The following IRF4 variants were observed in gnomAD, a reference collection of about 807,000 sequenced individuals.
IRF4 encodes the protein interferon regulatory factor 4.
A neutral mutation model predicts 55.5 loss-of-function variants in IRF4; 13 were observed. The ratio of observed to expected loss-of-function variants is 0.23; its 90% CI spans 0.15 to 0.37. IRF4 has a LOEUF of 0.37. Among genes scored for constraint, IRF4 ranks in the 10% least tolerant of loss-of-function variants. IRF4 has a pLI of 1.00. For missense variants in IRF4, 397 were observed against 593.8 expected (o/e 0.67, Z 3.44); for synonymous variants, 249 against 240.7 (o/e 1.03, Z -0.32).
At position 410,548 on chromosome 6, in the gene IRF4, T is replaced by A. The variant is rs1761672456; in HGVS notation, c.*2950T>A. 4.4e-6 allele frequency: 1 copy of A among 229,830 alleles called. No individual in the cohort carries two copies. Among genetic ancestry groups the A allele is most frequent in the Non-Finnish European group, 8.6e-6 (1 of 115,914 alleles). 14.2% of individuals were successfully genotyped at this position (229,830 alleles called of 1,614,324 possible). A position where few individuals can be genotyped will look rare whatever the true frequency, so the allele number is the denominator to read the frequency against. On this transcript the variant is annotated 3_prime_UTR_variant, in exon 9 of 9. Transcript: ENST00000380956. ...CCAAGGGCAGGTAGGTATTAGTGTT[T>A]GAAAAAGCTGGTCTTTGAGCGAGGG...
rs945235716 is a variant in IRF4, at chr6:393,218, G to C, written c.66G>C (p.Gly22=). Reference sequence around the variant, plus strand: ...TGAGCGCGGTGAGCTGCGGCAACGGGAAGCTCCGCCAGTGGCTGATCGACC... The same window carrying C: ...TGAGCGCGGTGAGCTGCGGCAACGGCAAGCTCCGCCAGTGGCTGATCGACC... ...FGMSAVSCGN[G]KLRQWLIDQI... is the part of the protein sequence containing the mutation. The change falls in exon 2 of 9, where the codon GGG becomes GGC. Residue 22 remains glycine (G), a synonymous_variant. Coordinates refer to ENST00000380956, the MANE Select transcript of IRF4 (RefSeq NM_002460.4). The surrounding 1 kb of genome is among the most constrained non-coding windows in gnomAD (Gnocchi z 5.4). The C allele has an allele frequency of 6.4e-7, 1 of 1,564,608 alleles. No individual in the cohort carries two copies. Among genetic ancestry groups the C allele is most frequent in the Non-Finnish European group, 8.7e-7 (1 of 1,154,412 alleles).
intron 6 of IRF4, among the ~76,000 whole-genome samples, chr6:399,548 T>C (rs1050439822): frequency 6.6e-6 from 1 of 151,462 alleles, no homozygotes; most frequent in African/African-American, 2.4e-5. Flanking sequence ...TTACCTACTA[T>C]AAAGAAGGCA....
chr6:392,340 G>C lies in IRF4; in HGVS notation c.-56+531G>C, dbSNP rs117758049. Among the ~76,000 whole-genome samples the C allele has an allele frequency of 7.4e-3, 1,122 of 152,322 alleles. 28 individuals are homozygous for C. In the East Asian group the frequency reaches 0.091, roughly 12 times the overall value. On this transcript the variant is annotated intron_variant, in intron 1 of 8. Coordinates refer to ENST00000380956, the MANE Select transcript of IRF4 (RefSeq NM_002460.4). ...GAGCCTTGCGTGCGGTGGCCTAGCC[G>C]GCCTGGCGCGGTCCCTGCCTCCCAG...
At chr6:401,376 G>T (rs759801296) in intron 6 of IRF4, 48 bp from the exon 7 acceptor site, 2 of 1,439,746 alleles carry the variant, frequency 1.4e-6, no homozygotes, top group Non-Finnish European at 1.9e-6. Context: ...TGGCCTCGAG[G>T]TGGTGTCCTT....
At chr6:402,790 A>C (rs1006924669) in intron 7 of IRF4, among the ~76,000 whole-genome samples, 1 of 152,278 alleles carries the variant, frequency 6.6e-6, no homozygotes, top group South Asian at 2.1e-4. Context: ...CCAGCACTTT[A>C]GGAGGCTGAG....
intron 7 of IRF4, among the ~76,000 whole-genome samples, chr6:403,257 T>C (rs1298796425): frequency 6.6e-6 from 1 of 152,152 alleles, no homozygotes; most frequent in African/African-American, 2.4e-5. Flanking sequence ...GAAGGGCAAC[T>C]GGGGGGACCC....
In IRF4 at chr6:410,732, C is replaced by T. The variant is rs532514140; in HGVS notation, c.*3134C>T. 4 of 231,712 alleles carry T rather than the reference C, an allele frequency of 1.7e-5. No homozygotes were observed. The highest frequency in any genetic ancestry group is 3.4e-5 in the Non-Finnish European group (4 of 116,982). 14.4% of individuals were successfully genotyped at this position (231,712 alleles called of 1,614,324 possible). ...ATCCAGTGTAAACTTCCGTTCATTG[C>T]TCTCCAGTCACATGCCCCCACTTCC... On this transcript the variant is annotated 3_prime_UTR_variant, in exon 9 of 9. Coordinates refer to ENST00000380956, the MANE Select transcript of IRF4 (RefSeq NM_002460.4).
chr6:410,817 GT>G lies in IRF4; in HGVS notation c.*3220del, dbSNP rs1203214805. ...TGGTTAAGGTCTTTATTTGTATTAC[GT>G]ATCTCCCCAAGTCCTCTGTGGCCAG... On this transcript the variant is annotated 3_prime_UTR_variant, in exon 9 of 9. Transcript: ENST00000380956. The G allele has an allele frequency of 1.7e-5, 4 of 231,964 alleles. No homozygotes were observed. Among genetic ancestry groups the G allele is most frequent in the Non-Finnish European group, 2.6e-5 (3 of 117,242 alleles). 14.4% of individuals were successfully genotyped at this position (231,964 alleles called of 1,614,324 possible).
chr6:397,155 C>G lies in IRF4; in HGVS notation c.540C>G (p.Asp180Glu), dbSNP rs1260048530. Reference sequence around the variant, plus strand: ...CACCCCTCGACCGAAGCTGGAGGGACTACGTCCCGGATCAGCCACACCCGG... The same window carrying G: ...CACCCCTCGACCGAAGCTGGAGGGAGTACGTCCCGGATCAGCCACACCCGG... ...MMPPLDRSWRDYVPDQPHPEI... is the reference protein window; with the variant it reads ...MMPPLDRSWREYVPDQPHPEI... The change falls in exon 5 of 9, where the codon GAC (aspartate) becomes GAG (glutamate). Residue 180 changes from aspartate (D) to glutamate (E), a missense_variant. Asp to Glu is a conservative substitution (Grantham distance 45). Transcript: ENST00000380956. The G allele has an allele frequency of 6.2e-7, 1 of 1,614,278 alleles. No homozygotes were observed. The highest frequency in any genetic ancestry group is 1.7e-5 in the Admixed American group (1 of 60,034).
At position 409,367 on chromosome 6, in the gene IRF4, C is replaced by G. The variant is rs932047321; in HGVS notation, c.*1769C>G. ...ATCTCCTTTTTTCCCAGCCCAAATTCTCCTCTCTAAAAGTGTCCACAAGAA... is the reference window on the plus strand; with the variant it reads ...ATCTCCTTTTTTCCCAGCCCAAATTGTCCTCTCTAAAAGTGTCCACAAGAA... On this transcript the variant is annotated 3_prime_UTR_variant, in exon 9 of 9. Transcript: ENST00000380956. The G allele has an allele frequency of 3.0e-5, 6 of 199,518 alleles. No individual in the cohort carries two copies. The highest frequency in any genetic ancestry group is 1.4e-4 in the African/African-American group (6 of 43,458). 12.4% of individuals were successfully genotyped at this position (199,518 alleles called of 1,614,324 possible).
rs1761178657 is a variant in IRF4, at chr6:393,581, G to A, written c.216+213G>A. Among the ~76,000 whole-genome samples the A allele has an allele frequency of 6.6e-6, 1 of 152,142 alleles. No individual in the cohort carries two copies. Among genetic ancestry groups the A allele is most frequent in the East Asian group, 1.9e-4 (1 of 5,170 alleles). Reference sequence around the variant, plus strand: ...CGCGGGGGCCGGGAGCCGGGTCCTGGGCGCGTGGAGGCTGCAGGGAAACCG... The same window carrying A: ...CGCGGGGGCCGGGAGCCGGGTCCTGAGCGCGTGGAGGCTGCAGGGAAACCG... On this transcript the variant is annotated intron_variant, in intron 2 of 8. Transcript: ENST00000380956. The surrounding 1 kb of genome is among the most constrained non-coding windows in gnomAD (Gnocchi z 5.4).
chr6:400,282 G>A (rs1219025400), intron 6 of IRF4, among the ~76,000 whole-genome samples: 2 of 152,172 alleles, frequency 1.3e-5, no homozygotes, highest in East Asian at 1.9e-4. Context: ...TGATTTTGGG[G>A]TTCCATACAG....
At position 398,845 on chromosome 6, in the gene IRF4, A is replaced by G; in HGVS notation, c.655A>G (p.Thr219Ala). The G allele has an allele frequency of 6.2e-7, 1 of 1,613,404 alleles. No individual in the cohort carries two copies. The highest frequency in any genetic ancestry group is 8.5e-7 in the Non-Finnish European group (1 of 1,179,552). The stretch of plus-strand genomic sequence containing the variant: ...AAATGCAGGTTGCCAGGTGACAGGA[A>G]CCTTTTATGCTTGTGCCCCACCTGA... Reference protein sequence around the residue: ...ACENGCQVTGTFYACAPPESQ... With the variant: ...ACENGCQVTGAFYACAPPESQ... The change falls in exon 6 of 9, where the codon ACC becomes GCC. Residue 219 changes from threonine to alanine, a missense_variant. Around this residue, in one of 3 missense-constraint regions of IRF4, gnomAD observed 341 missense variants for 548.1 expected, o/e 0.62. Coordinates refer to ENST00000380956, the MANE Select transcript of IRF4 (RefSeq NM_002460.4).
rs772851591 is a variant in IRF4, at chr6:398,914, G to A, written c.724G>A (p.Ala242Thr). The part of the protein sequence containing the change: ...GVPTEPSIRS[A>T]EALAFSDCRL... ...CCCCACAGAGCCAAGCATAAGGTCT[G>A]CCGAAGCCTTGGCGTTCTCAGGTGA... Residue 242 changes from alanine to threonine, a missense_variant, in exon 6 of 9, where the codon GCC becomes ACC. Physicochemically the swap from Ala to Thr is moderately conservative, Grantham distance 58 (BLOSUM62 0). Coordinates refer to ENST00000380956, the MANE Select transcript of IRF4 (RefSeq NM_002460.4). The A allele has an allele frequency of 9.3e-6, 15 of 1,612,242 alleles. No individual in the cohort carries two copies. The South Asian group carries it at 1.1e-4, about 12-fold the overall frequency.
intron 8 of IRF4, 136 bp downstream of exon 8, chr6:405,266 G>T (rs1761515372): frequency 3.2e-6 from 2 of 620,576 alleles, no homozygotes; most frequent in Non-Finnish European, 5.7e-6. Context: ...AAACTAGTGA[G>T]GGAGGAAGCA....
intron 2 of IRF4, among the ~76,000 whole-genome samples, chr6:394,301 A>G (rs1251409244): frequency 6.6e-6 from 1 of 152,150 alleles, no homozygotes; most frequent in East Asian, 1.9e-4. Context: ...CCGGTTATAA[A>G]TACCCAGAAA....
In IRF4 at chr6:395,015, C is replaced by T; in HGVS notation, c.403+8C>T. 1 of 1,581,080 alleles carries T rather than the reference C, an allele frequency of 6.3e-7. No individual in the cohort carries two copies. The highest frequency in any genetic ancestry group is 8.6e-7 in the Non-Finnish European group (1 of 1,162,652). ...CTGAGGGAGCCAAAAAAGGTAGGGG[C>T]TCTCCTGAATTTGGGTCACCTAACA... On this transcript the variant is annotated splice_region_variant and intron_variant, in intron 3 of 8. Coordinates refer to ENST00000380956, the MANE Select transcript of IRF4 (RefSeq NM_002460.4).
Position 408,292 on chromosome 6 carries a change from G to A in IRF4, c.*694G>A, listed in dbSNP as rs979761196. On this transcript the variant is annotated 3_prime_UTR_variant, in exon 9 of 9. Coordinates refer to ENST00000380956, the MANE Select transcript of IRF4 (RefSeq NM_002460.4). ...TTGTGGAAGACACTTGCTGAGTGAA[G>A]GAAATGAATCTTTGACTGAAGCCGT... 3 of 232,112 alleles carry A rather than the reference G, an allele frequency of 1.3e-5. No homozygotes were observed. The highest frequency in any genetic ancestry group is 2.6e-5 in the Non-Finnish European group (3 of 117,144). The allele number at this position is 232,112 out of a possible 1,614,324, so 14.4% of individuals were successfully genotyped here.
Position 393,391 on chromosome 6 carries a change from G to T in IRF4, c.216+23G>T. The T allele has an allele frequency of 6.5e-7, 1 of 1,537,220 alleles. No individual in the cohort carries two copies. Among genetic ancestry groups the T allele is most frequent in the Non-Finnish European group, 8.8e-7 (1 of 1,138,294 alleles). Reference sequence around the variant, plus strand: ...AAGGTCTCCGGCCTCGGGAGCCGGCGGGGGCGCGCCGGGGAGGGCCCAGAG... The same window carrying T: ...AAGGTCTCCGGCCTCGGGAGCCGGCTGGGGCGCGCCGGGGAGGGCCCAGAG... On this transcript the variant is annotated intron_variant, in intron 2 of 8. Transcript: ENST00000380956. This position sits in a 1 kb window ranked among gnomAD's most constrained non-coding sequence, Gnocchi z 5.4.
Sources: gnomAD v4.1 joint callset for allele counts (sites outside exome capture counted in the v4.1 genomes callset) on GRCh38, gnomAD v4.1.1 for gene constraint, gnomAD v4.1.1 regional missense constraint, Gnocchi (gnomAD v3.1) non-coding constraint, MANE v1.5 for transcripts, NCBI Gene and HGNC (gene_info 2026-07-23, HGNC 2026-07-21) for gene names.